Variants in FGF13 observed in about 807,000 individuals in gnomAD.
FGF13 encodes fibroblast growth factor 13.
A neutral mutation model predicts 19.5 loss-of-function variants in FGF13; 2 were observed. The observed-to-expected ratio is 0.10, with a 90% CI of 0.04 to 0.32. The LOEUF is 0.32. Among genes scored for constraint, FGF13 ranks in the 10% least tolerant of loss-of-function variants. FGF13 has a pLI of 1.00. For missense variants in FGF13, 113 were observed against 192.7 expected, an observed-to-expected ratio of 0.59 and a Z score of 2.45; for synonymous variants, 72 against 76.9, an observed-to-expected ratio of 0.94 and a Z score of 0.33.
chrX:138,767,895 A>C (rs963626604), intron 3 of FGF13, among the ~76,000 whole-genome samples: 3 of 112,515 alleles, frequency 2.7e-5, no homozygotes, highest in African/African-American at 9.7e-5. Context: ...CAGGAATTAC[A>C]TCATCAGAGC....
chrX:138,936,657 C>T (rs2091732478), intron 1 of FGF13, among the ~76,000 whole-genome samples: 1 of 112,094 alleles, frequency 8.9e-6, no homozygotes, highest in South Asian at 3.7e-4. Flanking sequence ...CTGGCTAACT[C>T]CTGCTCACTC....
At chrX:138,770,327 C>A (rs979709239) in intron 3 of FGF13, among the ~76,000 whole-genome samples, 1 of 111,103 alleles carries the variant, frequency 9.0e-6, no homozygotes, top group Non-Finnish European at 1.9e-5. Context: ...CTCAGCCCCC[C>A]ACTTTTACCC....
chrX:138,879,886 A>T (rs1444319476), intron 1 of FGF13, among the ~76,000 whole-genome samples: 1 of 112,423 alleles, frequency 8.9e-6, no homozygotes, highest in Admixed American at 9.4e-5. Context: ...CATCAGAGTG[A>T]ACAGGCAACC....
chrX:138,791,847 G>A (rs1222425511), intron 3 of FGF13, among the ~76,000 whole-genome samples: 4 of 111,703 alleles, frequency 3.6e-5, no homozygotes, highest in East Asian at 2.8e-4. Flanking sequence ...TAAAATCTAC[G>A]AATTTTGACA....
intron 3 of FGF13, among the ~76,000 whole-genome samples, chrX:138,654,029 G>C (rs368616382): frequency 8.0e-5 from 9 of 111,988 alleles, no homozygotes; most frequent in Middle Eastern, 4.6e-3. Context: ...CATACTGGTT[G>C]AGTTTTTAAG....
intron 1 of FGF13, among the ~76,000 whole-genome samples, chrX:138,908,322 C>T (rs1012951802): frequency 1.0e-4 from 11 of 108,769 alleles, no homozygotes; most frequent in Non-Finnish European, 1.9e-4. Context: ...TCATGATCCG[C>T]CCACCTTGGC....
intron 1 of FGF13, 109 bp downstream of exon 1, chrX:138,710,708 C>T: frequency 1.8e-6 from 2 of 1,128,863 alleles, no homozygotes; most frequent in Non-Finnish European, 1.2e-6. Context: ...GTGGCCTCTT[C>T]TGCACAAGAT....
chrX:138,763,584 T>C (rs1380710071), intron 3 of FGF13, among the ~76,000 whole-genome samples: 1 of 112,067 alleles, frequency 8.9e-6, no homozygotes, highest in African/African-American at 3.2e-5. Flanking sequence ...CTGGTAACAG[T>C]TAATTAGCAT....
At chrX:138,727,401 G>C (rs1330047427) in intron 1 of FGF13, among the ~76,000 whole-genome samples, 1 of 110,704 alleles carries the variant, frequency 9.0e-6, no homozygotes, top group Non-Finnish European at 1.9e-5. Context: ...TATATAAAGG[G>C]AGAGAGTTAC....
intron 1 of FGF13, among the ~76,000 whole-genome samples, chrX:139,071,622 ACTTT>A (rs2092376802): frequency 9.0e-6 from 1 of 111,496 alleles, no homozygotes; most frequent in Non-Finnish European, 1.9e-5. Context: ...TACAACTCAC[ACTTT>A]CTTTGTTTTA....
intron 3 of FGF13, among the ~76,000 whole-genome samples, chrX:138,754,843 A>C (rs1185593893): frequency 9.0e-6 from 1 of 111,356 alleles, no homozygotes; most frequent in African/African-American, 3.3e-5. Context: ...CTTCTCTGGT[A>C]GACAATATTT....
chrX:138,781,977 A>C (rs1260288468), intron 3 of FGF13, among the ~76,000 whole-genome samples: 1 of 112,153 alleles, frequency 8.9e-6, no homozygotes, highest in Non-Finnish European at 1.9e-5. Flanking sequence ...AGTGGGCTTC[A>C]TCCCTGGGAT....
intron 4 of FGF13, among the ~76,000 whole-genome samples, chrX:138,633,892 G>T (rs73241056): frequency 5.8e-4 from 65 of 111,611 alleles, no homozygotes; most frequent in Non-Finnish European, 1.1e-3. Context: ...ACACAGTGCT[G>T]TGCTTATTCG....
intron 1 of FGF13, among the ~76,000 whole-genome samples, chrX:139,175,773 T>G (rs2084176582): frequency 8.9e-6 from 1 of 111,983 alleles, no homozygotes; most frequent in Non-Finnish European, 1.9e-5. Context: ...GTGGATAAGT[T>G]TTTTGATGTG....
intron 3 of FGF13, among the ~76,000 whole-genome samples, chrX:138,657,196 T>C (rs953674110): frequency 8.9e-6 from 1 of 112,082 alleles, no homozygotes; most frequent in Non-Finnish European, 1.9e-5. Context: ...TATTTATTGA[T>C]TGCCTATGGG....
intron 1 of FGF13, among the ~76,000 whole-genome samples, chrX:139,138,799 C>A (rs1485871804): frequency 2.7e-5 from 3 of 111,698 alleles, no homozygotes; most frequent in African/African-American, 9.8e-5. Flanking sequence ...TTTGAGGAAA[C>A]TGAGGTTCAA....
At chrX:138,784,333 A>G (rs1161194645) in intron 3 of FGF13, among the ~76,000 whole-genome samples, 1 of 108,033 alleles carries the variant, frequency 9.3e-6, no homozygotes, top group Non-Finnish European at 1.9e-5. Flanking sequence ...AAAAAATTAA[A>G]AAAAAAAAAA....
At chrX:138,870,829 AG>A (rs1490393472) in intron 1 of FGF13, among the ~76,000 whole-genome samples, 2 of 112,498 alleles carry the variant, frequency 1.8e-5, no homozygotes, top group Non-Finnish European at 3.8e-5. Context: ...AGTCTCTAGA[AG>A]CCAGGGATGG....
chrX:138,782,209 C>A (rs1266344066), intron 3 of FGF13, among the ~76,000 whole-genome samples: 7 of 112,173 alleles, frequency 6.2e-5, no homozygotes, highest in African/African-American at 2.3e-4. Context: ...ATCATACTGC[C>A]TGGGCAAAAA....
Sources: allele counts gnomAD v4.1 joint callset (sites outside exome capture counted in the v4.1 genomes callset), GRCh38; gene constraint gnomAD v4.1.1; transcripts MANE v1.5; gene names NCBI Gene and HGNC (gene_info 2026-07-23, HGNC 2026-07-21).